The following ANKFN1 variants were observed in gnomAD, a reference collection of about 807,000 sequenced individuals.
ANKFN1 encodes ankyrin repeat and fibronectin type III domain containing 1.
Under a neutral mutation model 108.7 loss-of-function variants are expected in ANKFN1, and 74 were observed. The observed-to-expected ratio is 0.68, with a 90% confidence interval of 0.56 to 0.83. ANKFN1 has a LOEUF of 0.83. Ranked by LOEUF, ANKFN1 falls within the 40% of genes least tolerant of loss-of-function variation. The pLI is 0.00. For synonymous variants in ANKFN1, 547 were observed against 516.2 expected, an observed-to-expected ratio of 1.06 and a Z score of -0.81; for missense variants, 1,505 against 1,382.3, an observed-to-expected ratio of 1.09 and a Z score of -1.41.
At chr17:56,266,070 T>A (rs1238946114) in intron 3 of ANKFN1, among the ~76,000 whole-genome samples, 3 of 152,190 alleles carry the variant, frequency 2.0e-5, no homozygotes, top group Non-Finnish European at 4.4e-5. Flanking sequence ...AAGCTGTAAA[T>A]GATAAAATTT....
chr17:56,420,296 TAATA>T lies in ANKFN1; in HGVS notation c.911-20026_911-20023del, dbSNP rs1388720636. 2.6e-5 allele frequency among the ~76,000 whole-genome samples: 4 copies of T among 152,350 alleles called. No individual in the cohort carries two copies. In the East Asian group the frequency reaches 7.7e-4, roughly 29 times the overall value. ...AAGTAAAATTACACCTCTATTATCT[TAATA>T]AATAGTCTCAGCATCCTTGTGGGCC... On this transcript the variant is annotated intron_variant, in intron 8 of 20. Coordinates refer to ENST00000682825, the MANE Select transcript of ANKFN1 (RefSeq NM_001370326.1).
At chr17:56,155,769 C>A (rs190300636) in intron 1 of ANKFN1, among the ~76,000 whole-genome samples, 1 of 151,944 alleles carries the variant, frequency 6.6e-6, no homozygotes, top group African/African-American at 2.4e-5. Context: ...ATCACAGGGG[C>A]CTTGTAGGTC....
intron 4 of ANKFN1, among the ~76,000 whole-genome samples, chr17:56,079,619 C>G (rs914668521): frequency 1.3e-5 from 2 of 152,152 alleles, no homozygotes; most frequent in Admixed American, 1.3e-4. Context: ...GTCTAAGACT[C>G]TAACTATCAG....
At chr17:56,462,311 G>A (rs1441530832) in intron 14 of ANKFN1, 1 of 152,194 alleles carries the variant, frequency 6.6e-6, no homozygotes, top group Non-Finnish European at 1.5e-5. Context: ...ATTTTACAAT[G>A]TGGCCAGGCG....
At chr17:56,250,557 G>A (rs1443015859) in intron 3 of ANKFN1, among the ~76,000 whole-genome samples, 1 of 152,190 alleles carries the variant, frequency 6.6e-6, no homozygotes, top group Non-Finnish European at 1.5e-5. Flanking sequence ...TGCACACAGA[G>A]TATTTTTTCT....
chr17:56,456,782 C>A, intron 11 of ANKFN1, 79 bp from the exon 12 acceptor site: 2 of 1,153,522 alleles, frequency 1.7e-6, no homozygotes, highest in Non-Finnish European at 2.6e-6. Context: ...GAGGGGAAGG[C>A]AGGAAGGTAG....
At chr17:56,235,106 A>G (rs184830930) in intron 3 of ANKFN1, among the ~76,000 whole-genome samples, 7 of 152,050 alleles carry the variant, frequency 4.6e-5, no homozygotes, top group Non-Finnish European at 1.0e-4. Context: ...ATGTTCGGTG[A>G]TATTTGACTT....
intron 4 of ANKFN1, among the ~76,000 whole-genome samples, chr17:56,104,324 C>T (rs1000061915): frequency 1.3e-5 from 2 of 152,120 alleles, no homozygotes; most frequent in Admixed American, 6.5e-5. Flanking sequence ...GGCTTTAGAC[C>T]TCTTGATGGA....
At chr17:56,267,626 C>T (rs936049464) in intron 3 of ANKFN1, among the ~76,000 whole-genome samples, 7 of 152,150 alleles carry the variant, frequency 4.6e-5, no homozygotes, top group Admixed American at 4.6e-4. Flanking sequence ...AAGCAGTTAT[C>T]CCAGCACCAT....
chr17:56,459,264 C>A (rs763696954), intron 14 of ANKFN1, among the ~76,000 whole-genome samples: 1 of 152,118 alleles, frequency 6.6e-6, no homozygotes, highest in Non-Finnish European at 1.5e-5. Context: ...GCACCCACTA[C>A]CACACCCGGC....
At position 56,227,957 on chromosome 17, in the gene ANKFN1, T is replaced by C. The variant is rs138804167; in HGVS notation, c.53T>C (p.Ile18Thr). Residue 18 changes from isoleucine (I) to threonine (T), a missense_variant and splice_region_variant, in exon 3 of 21, where the codon ATA becomes ACA. Transcript: ENST00000682825. ...GACAGGCATTTTACTTGCAGCAAAA[T>C]GTAAGTACATTTCCTCCTTGAAATG... ...FKDRHFTCSK[I>T]IGRRFACFAQ... The C allele has an allele frequency of 6.2e-7, 1 of 1,606,348 alleles. No homozygotes were observed. The highest frequency in any genetic ancestry group is 8.5e-7 in the Non-Finnish European group (1 of 1,177,392).
intron 4 of ANKFN1, among the ~76,000 whole-genome samples, chr17:56,085,076 A>G (rs1358657746): frequency 2.7e-5 from 4 of 150,564 alleles, no homozygotes; most frequent in Admixed American, 2.7e-4. Flanking sequence ...TCATTTATCC[A>G]ACAAATATTT....
At chr17:56,111,199 A>T (rs1277397023) in intron 4 of ANKFN1, among the ~76,000 whole-genome samples, 1 of 152,004 alleles carries the variant, frequency 6.6e-6, no homozygotes, top group Non-Finnish European at 1.5e-5. Context: ...GGGAATCCAA[A>T]TCTCTTCCCC....
intron 3 of ANKFN1, among the ~76,000 whole-genome samples, chr17:56,303,597 TA>T (rs2044732468): frequency 6.6e-6 from 1 of 152,242 alleles, no homozygotes; most frequent in African/African-American, 2.4e-5. Flanking sequence ...ATCAACTTTT[TA>T]ATTAAGCTTC....
chr17:56,123,286 C>T (rs1567794353), intron 4 of ANKFN1, among the ~76,000 whole-genome samples: 3 of 152,210 alleles, frequency 2.0e-5, no homozygotes, highest in African/African-American at 4.8e-5. Flanking sequence ...CTTCCATCAG[C>T]GAACTCTGAG....
intron 8 of ANKFN1, among the ~76,000 whole-genome samples, chr17:56,421,761 C>G (rs975999553): frequency 3.9e-5 from 6 of 152,094 alleles, no homozygotes; most frequent in Non-Finnish European, 1.5e-5. Context: ...TGTCATTTAA[C>G]GACCCAATCA....
At chr17:56,390,190 C>T (rs2047386760) in intron 8 of ANKFN1, among the ~76,000 whole-genome samples, 1 of 152,028 alleles carries the variant, frequency 6.6e-6, no homozygotes, top group South Asian at 2.1e-4. Flanking sequence ...ATTGCTCTCC[C>T]TCCCCTTGCC....
chr17:56,322,188 G>A (rs1439426989), intron 3 of ANKFN1, among the ~76,000 whole-genome samples: 1 of 152,116 alleles, frequency 6.6e-6, no homozygotes, highest in Non-Finnish European at 1.5e-5. Context: ...CTAGGTGTAT[G>A]TACTGGAATA....
Position 56,048,674 on chromosome 17 carries a change from C to G in ANKFN1, c.288+2349C>G, listed in dbSNP as rs577367803. On this transcript the variant is annotated intron_variant, in intron 4 of 12. Transcript: ENST00000635860. ...AGCTCAGCAGCCTCTCATTTCCATC[C>G]CTGTAAAGGATGAAGAAAGGAAAGG... Among the ~76,000 whole-genome samples, 4 of 152,294 alleles carry G rather than the reference C, an allele frequency of 2.6e-5. No individual in the cohort carries two copies. The South Asian group carries it at 8.3e-4, about 32-fold the overall frequency.
Sources: allele counts gnomAD v4.1 joint callset (sites outside exome capture counted in the v4.1 genomes callset), GRCh38; gene constraint gnomAD v4.1.1; transcripts MANE v1.5; gene names NCBI Gene and HGNC (gene_info 2026-07-23, HGNC 2026-07-21).